The following SLCO4C1 variants were observed in gnomAD, a reference collection of about 807,000 sequenced individuals.
SLCO4C1 encodes the protein solute carrier organic anion transporter family member 4C1.
In SLCO4C1, 58 loss-of-function variants were observed where a neutral mutation model predicts 72.1. The ratio of observed to expected loss-of-function variants is 0.80; its 90% confidence interval spans 0.65 to 1.00. The LOEUF (loss-of-function observed/expected upper bound fraction) is 1.00, where lower values mean the gene tolerates loss of function less well. SLCO4C1 is among the 50% of genes least tolerant of loss of function. The pLI is 0.00. For missense variants in SLCO4C1, 898 were observed against 857.9 expected, an observed-to-expected ratio of 1.05 and a Z score of -0.58; for synonymous variants, 297 against 312.5, an observed-to-expected ratio of 0.95 and a Z score of 0.52.
intron 2 of SLCO4C1, among the ~76,000 whole-genome samples, chr5:102,286,812 C>T (rs1473694952): frequency 1.3e-5 from 2 of 152,112 alleles, no homozygotes; most frequent in African/African-American, 4.8e-5. Flanking sequence ...AGAAAGTCCA[C>T]GCTGTTTCAA....
In SLCO4C1 at chr5:102,240,406, C is replaced by T. The variant is rs76392900; in HGVS notation, c.1876+312G>A. Reference sequence around the variant, plus strand: ...TTGCTAGTGTAACACAATAGTGTCACGAATAGAGACAAAAGCAGAGAGAAA... The same window carrying T: ...TTGCTAGTGTAACACAATAGTGTCATGAATAGAGACAAAAGCAGAGAGAAA... On this transcript the variant is annotated intron_variant, in intron 11 of 12. Coordinates refer to ENST00000310954, the MANE Select transcript of SLCO4C1 (RefSeq NM_180991.5). 1.6e-3 allele frequency among the ~76,000 whole-genome samples: 238 copies of T among 151,938 alleles called. 5 individuals are homozygous for T. In the East Asian group the frequency reaches 0.036, roughly 23 times the overall value.
rs560065908 is a variant in SLCO4C1, at chr5:102,239,980, T to C, written c.1877-592A>G. ...ACTTCCAATTATTTGAGGTTGTAAT[T>C]TTTAGACAAAGATTTCAGCTACATC... On this transcript the variant is annotated intron_variant, in intron 11 of 12. Coordinates refer to ENST00000310954, the MANE Select transcript of SLCO4C1 (RefSeq NM_180991.5). Among the ~76,000 whole-genome samples, 4 of 152,190 alleles carry C rather than the reference T, an allele frequency of 2.6e-5. No individual in the cohort carries two copies. The East Asian group carries it at 7.7e-4, about 29-fold the overall frequency.
At chr5:102,271,172 C>T (rs1018948241) in intron 2 of SLCO4C1, among the ~76,000 whole-genome samples, 1 of 152,006 alleles carries the variant, frequency 6.6e-6, no homozygotes, top group African/African-American at 2.4e-5. Flanking sequence ...TCAACAATGT[C>T]CAGTTTTCAC....
chr5:102,282,368 G>A (rs1008173122), intron 2 of SLCO4C1, among the ~76,000 whole-genome samples: 2 of 151,840 alleles, frequency 1.3e-5, no homozygotes, highest in African/African-American at 4.8e-5. Flanking sequence ...AAAACAGTAC[G>A]ACAATTCCGA....
intron 1 of SLCO4C1, among the ~76,000 whole-genome samples, chr5:102,295,177 C>T (rs1749624992): frequency 6.6e-6 from 1 of 152,208 alleles, no homozygotes; most frequent in Non-Finnish European, 1.5e-5. Flanking sequence ...GGATATCACT[C>T]CTCCAAACTG....
intron 2 of SLCO4C1, among the ~76,000 whole-genome samples, chr5:102,278,217 A>G (rs1749285025): frequency 6.6e-6 from 1 of 152,234 alleles, no homozygotes; most frequent in Non-Finnish European, 1.5e-5. Context: ...AGCCATATTA[A>G]TATCAGCTGA....
At chr5:102,256,860 T>C (rs1264423163) in intron 8 of SLCO4C1, among the ~76,000 whole-genome samples, 2 of 152,210 alleles carry the variant, frequency 1.3e-5, no homozygotes, top group Non-Finnish European at 2.9e-5. Context: ...ACAGTATTAA[T>C]CTTTGTATCA....
rs941599340 is a variant in SLCO4C1, at chr5:102,291,615, C to G, written c.356-9G>C. On this transcript the variant is annotated splice_polypyrimidine_tract_variant and intron_variant, in intron 1 of 12. Transcript: ENST00000310954. ...GCCATTAACTACAATACCTAAAAAA[C>G]AGAAAAGTTGATGTGCATCATTAAT... 2 of 1,592,346 alleles carry G rather than the reference C, an allele frequency of 1.3e-6. No homozygotes were observed. Among genetic ancestry groups the G allele is most frequent in the Non-Finnish European group, 1.7e-6 (2 of 1,168,646 alleles).
chr5:102,268,426 C>G (rs568430937), intron 3 of SLCO4C1, among the ~76,000 whole-genome samples: 6 of 152,056 alleles, frequency 3.9e-5, no homozygotes, highest in Admixed American at 2.0e-4. Context: ...ACTGCCACAC[C>G]CTTTTGGTTT....
At chr5:102,294,089 G>A (rs1350870192) in intron 1 of SLCO4C1, among the ~76,000 whole-genome samples, 1 of 152,032 alleles carries the variant, frequency 6.6e-6, no homozygotes, top group Non-Finnish European at 1.5e-5. Context: ...TTGTATTTTT[G>A]GTAGAGACGG....
intron 2 of SLCO4C1, among the ~76,000 whole-genome samples, chr5:102,286,889 CAT>C (rs139699315): frequency 0.025 from 3,789 of 152,144 alleles, 155 homozygotes; most frequent in African/African-American, 0.087. Flanking sequence ...AGAAATCATA[CAT>C]GTTTATCATA....
At chr5:102,266,397 C>A (rs570103204) in intron 3 of SLCO4C1, among the ~76,000 whole-genome samples, 6 of 152,154 alleles carry the variant, frequency 3.9e-5, no homozygotes, top group Non-Finnish European at 8.8e-5. Context: ...CACCTGTAAT[C>A]CTAGCACTTT....
chr5:102,249,930 T>C, intron 8 of SLCO4C1, 142 bp from the exon 9 acceptor site: 1 of 827,006 alleles, frequency 1.2e-6, no homozygotes, highest in Non-Finnish European at 1.9e-6. Context: ...CGTCTTCCTT[T>C]GCACATAAAG....
intron 3 of SLCO4C1, among the ~76,000 whole-genome samples, chr5:102,269,887 G>T (rs1021367877): frequency 6.6e-6 from 1 of 151,868 alleles, no homozygotes; most frequent in Admixed American, 6.6e-5. Context: ...CTATGGTGTT[G>T]GTTGGGTAGG....
chr5:102,241,253 C>T (rs978778804), intron 10 of SLCO4C1, among the ~76,000 whole-genome samples: 1 of 151,850 alleles, frequency 6.6e-6, no homozygotes, highest in African/African-American at 2.4e-5. Context: ...TACTAAAAGT[C>T]CTATCCAGAG....
intron 2 of SLCO4C1, among the ~76,000 whole-genome samples, chr5:102,286,461 T>G (rs983538220): frequency 1.2e-4 from 18 of 152,274 alleles, no homozygotes; most frequent in African/African-American, 4.1e-4. Context: ...GGTAAAGATT[T>G]ACTTATCGCA....
intron 4 of SLCO4C1, 87 bp from the exon 5 acceptor site, chr5:102,262,120 A>G: frequency 9.7e-7 from 1 of 1,030,214 alleles, no homozygotes; most frequent in Non-Finnish European, 1.4e-6. Flanking sequence ...TTATACTTCA[A>G]GTGCATATAG....
chr5:102,249,533 T>C (rs1390752252), intron 9 of SLCO4C1, 105 bp downstream of exon 9: 5 of 1,174,062 alleles, frequency 4.3e-6, no homozygotes, highest in Non-Finnish European at 6.2e-6. Context: ...ACGGAGGCAA[T>C]GGAGCAGGAA....
intron 3 of SLCO4C1, among the ~76,000 whole-genome samples, chr5:102,265,830 T>C (rs945226816): frequency 6.6e-6 from 1 of 152,214 alleles, no homozygotes; most frequent in Non-Finnish European, 1.5e-5. Flanking sequence ...AGGACTGTTT[T>C]TCCATGTCTG....
Sources: allele counts gnomAD v4.1 joint callset (sites outside exome capture counted in the v4.1 genomes callset), GRCh38; gene constraint gnomAD v4.1.1; transcripts MANE v1.5; gene names NCBI Gene and HGNC (gene_info 2026-07-23, HGNC 2026-07-21).